The following SAXO1 variants were observed in gnomAD, a reference collection of about 807,000 sequenced individuals.
SAXO1 encodes the protein 4930500O09Rik.
SAXO1 carries 21 observed loss-of-function variants against 17.5 expected under a neutral mutation model. That is an observed-to-expected ratio of 1.20 (90% CI 0.85 to 1.72). The LOEUF (loss-of-function observed/expected upper bound fraction) is 1.72, where lower values mean the gene tolerates loss of function less well. SAXO1 is among the 40% of genes most tolerant of loss of function. SAXO1 has a pLI of 0.00. For missense variants in SAXO1, 843 were observed against 596.0 expected, an observed-to-expected ratio of 1.41 and a Z score of -4.32; for synonymous variants, 274 against 216.5, an observed-to-expected ratio of 1.27 and a Z score of -2.33.
At chr9:19,023,150 C>A (rs1382421338) in intron 1 of SAXO1, among the ~76,000 whole-genome samples, 1 of 122,490 alleles carries the variant, frequency 8.2e-6, no homozygotes, top group African/African-American at 3.0e-5. Flanking sequence ...TCCCCCCCCA[C>A]CCCCCCGCCC....
intron 1 of SAXO1, among the ~76,000 whole-genome samples, chr9:19,025,171 A>G (rs945911190): frequency 6.6e-6 from 1 of 152,218 alleles, no homozygotes; most frequent in South Asian, 2.1e-4. Flanking sequence ...TAAAAATTCA[A>G]TCTTAACGTG....
At chr9:19,020,795 G>C (rs1588545108) in intron 1 of SAXO1, among the ~76,000 whole-genome samples, 1 of 152,122 alleles carries the variant, frequency 6.6e-6, no homozygotes, top group Non-Finnish European at 1.5e-5. Flanking sequence ...ACATGACAAA[G>C]CTAACAATAG....
chr9:19,034,347 C>A (rs1472175939), upstream of SAXO1, among the ~76,000 whole-genome samples: 1 of 146,130 alleles, frequency 6.8e-6, no homozygotes, highest in African/African-American at 2.7e-5. Context: ...TGCAGTTGGC[C>A]ACTTGACTCT....
intron 1 of SAXO1, among the ~76,000 whole-genome samples, chr9:18,964,267 G>A (rs1008446289): frequency 1.7e-4 from 26 of 152,022 alleles, no homozygotes; most frequent in South Asian, 1.0e-3. Context: ...TTTTGGTATC[G>A]GGATGATGCT....
intron 1 of SAXO1, among the ~76,000 whole-genome samples, chr9:19,000,417 G>A (rs1834214161): frequency 6.6e-6 from 1 of 150,552 alleles, no homozygotes; most frequent in African/African-American, 2.4e-5. Context: ...GCCGCCCACA[G>A]TCTGGGAAGT....
chr9:18,949,515 A>T (rs1831933993), intron 2 of SAXO1, among the ~76,000 whole-genome samples: 1 of 151,918 alleles, frequency 6.6e-6, no homozygotes, highest in African/African-American at 2.4e-5. Context: ...AAGGCCCTCA[A>T]CTCCCTCTCA....
intron 1 of SAXO1, among the ~76,000 whole-genome samples, chr9:19,046,613 G>T (rs1836222331): frequency 6.6e-6 from 1 of 151,546 alleles, no homozygotes; most frequent in Non-Finnish European, 1.5e-5. Context: ...GAGGCAGAAG[G>T]ATCGCTTGAA....
At chr9:19,039,244 A>G (rs1043345812) in intron 1 of SAXO1, among the ~76,000 whole-genome samples, 1 of 152,208 alleles carries the variant, frequency 6.6e-6, no homozygotes, top group Non-Finnish European at 1.5e-5. Context: ...GGTGGTTTTA[A>G]TATTGAAAAA....
intron 1 of SAXO1, among the ~76,000 whole-genome samples, chr9:19,032,584 C>G (rs1205555180): frequency 6.6e-6 from 1 of 152,242 alleles, no homozygotes; most frequent in Non-Finnish European, 1.5e-5. Flanking sequence ...CTGACACTTT[C>G]TGGGCTTCAG....
At chr9:19,008,831 G>C (rs1214000459) in intron 1 of SAXO1, among the ~76,000 whole-genome samples, 1 of 152,174 alleles carries the variant, frequency 6.6e-6, no homozygotes. Flanking sequence ...AGGTCCAGGA[G>C]CAACTGTGTC....
At chr9:19,013,234 G>A (rs1007159795) in intron 1 of SAXO1, among the ~76,000 whole-genome samples, 5 of 152,214 alleles carry the variant, frequency 3.3e-5, no homozygotes, top group African/African-American at 7.2e-5. Context: ...TAAGGCATAA[G>A]GCATGGCAAT....
intron 1 of SAXO1, among the ~76,000 whole-genome samples, chr9:19,006,995 A>G (rs1834506693): frequency 6.6e-6 from 1 of 151,858 alleles, no homozygotes; most frequent in African/African-American, 2.4e-5. Context: ...CAGTGAGATG[A>G]GATTGCACCA....
intron 1 of SAXO1, among the ~76,000 whole-genome samples, chr9:18,993,216 T>C (rs1430543075): frequency 1.3e-5 from 2 of 152,050 alleles, no homozygotes; most frequent in African/African-American, 2.4e-5. Flanking sequence ...ACACGTCATC[T>C]AGGTTTTAAG....
chr9:19,011,809 T>C (rs1322424667), intron 1 of SAXO1, among the ~76,000 whole-genome samples: 2 of 152,012 alleles, frequency 1.3e-5, no homozygotes, highest in Non-Finnish European at 2.9e-5. Flanking sequence ...AATTCCATAT[T>C]CTTACTAAAC....
At chr9:19,001,270 C>T (rs950895202) in intron 1 of SAXO1, among the ~76,000 whole-genome samples, 1 of 152,202 alleles carries the variant, frequency 6.6e-6, no homozygotes, top group African/African-American at 2.4e-5. Flanking sequence ...CAAATTAGAA[C>T]TCAGGATTAA....
intron 1 of SAXO1, among the ~76,000 whole-genome samples, chr9:18,995,933 G>C (rs116475820): frequency 6.6e-6 from 1 of 151,998 alleles, no homozygotes; most frequent in Admixed American, 6.6e-5. Context: ...ACAACAACTA[G>C]CTGGAAGTGG....
At chr9:18,954,195 A>G (rs73645542) in intron 1 of SAXO1, among the ~76,000 whole-genome samples, 3,101 of 152,336 alleles carry the variant, frequency 0.02, 92 homozygotes, top group African/African-American at 0.068. Context: ...GTAAAAGGAC[A>G]TAACACTGAC....
intron 1 of SAXO1, 151 bp downstream of exon 1, chr9:19,032,720 C>A (rs993691245): frequency 3.8e-6 from 3 of 790,264 alleles, no homozygotes; most frequent in Admixed American, 2.6e-5. Flanking sequence ...GCGGGCACAA[C>A]GCTAGTTGAC....
At chr9:19,035,825 G>A (rs1033608585), upstream of SAXO1, among the ~76,000 whole-genome samples, 1 of 152,162 alleles carries the variant, frequency 6.6e-6, no homozygotes, top group African/African-American at 2.4e-5. Context: ...TTGAACTTGA[G>A]GGAGATGATT....
Sources: allele counts gnomAD v4.1 joint callset (sites outside exome capture counted in the v4.1 genomes callset), GRCh38; gene constraint gnomAD v4.1.1; transcripts MANE v1.5; gene names NCBI Gene and HGNC (gene_info 2026-07-23, HGNC 2026-07-21).